The following ARPC1A variants were observed in gnomAD, a reference collection of about 807,000 sequenced individuals.
ARPC1A encodes the protein actin related protein 2/3 complex subunit 1A.
In ARPC1A, 8 loss-of-function variants were observed where a neutral mutation model predicts 46.9. The ratio of observed to expected loss-of-function variants is 0.17; its 90% CI spans 0.10 to 0.31. The LOEUF is 0.31. ARPC1A is among the 10% of genes least tolerant of loss of function. The pLI, the probability that ARPC1A is intolerant of heterozygous loss-of-function variation, is 1.00. For missense variants in ARPC1A, 286 were observed against 483.6 expected (o/e 0.59, Z 3.83); for synonymous variants, 152 against 169.0 (o/e 0.90, Z 0.78).
chr7:99,357,942 A>G (rs1445142244), intron 6 of ARPC1A, among the ~76,000 whole-genome samples: 1 of 152,212 alleles, frequency 6.6e-6, no homozygotes, highest in African/African-American at 2.4e-5. Context: ...GTCCTAGCAC[A>G]GGTGTCTGCT....
intron 2 of ARPC1A, chr7:99,335,334 A>G (rs556281794): frequency 7.5e-6 from 3 of 397,432 alleles, no homozygotes; most frequent in South Asian, 1.8e-5. Flanking sequence ...GTTGAAAACT[A>G]TCCTCTCTGT....
At position 99,362,336 on chromosome 7, in the gene ARPC1A, CTTTT is replaced by C. The variant is rs771655890; in HGVS notation, c.984-1193_984-1190del. ...AATAAAAATGTAAAACCCCGCCCCC[CTTTT>C]TTTTTTTTTTTTTGAGATGGAGTCT... On this transcript the variant is annotated intron_variant, in intron 8 of 9. Coordinates refer to ENST00000262942, the MANE Select transcript of ARPC1A (RefSeq NM_006409.4). Among the ~76,000 whole-genome samples, 39 of 129,622 alleles carry C rather than the reference CTTTT, an allele frequency of 3.0e-4. No individual in the cohort carries two copies. The South Asian group carries it at 5.7e-3, about 19-fold the overall frequency. The allele number at this position is 129,622 out of a possible 152,430, so 85.0% of individuals were successfully genotyped here.
At chr7:99,337,082 T>TA (rs770003701) in intron 2 of ARPC1A, among the ~76,000 whole-genome samples, 8 of 152,088 alleles carry the variant, frequency 5.3e-5, no homozygotes, top group Non-Finnish European at 1.2e-4. Context: ...TTTCTGGACT[T>TA]ACGATTTGGG....
At chr7:99,354,426 G>A (rs1265341427) in intron 6 of ARPC1A, among the ~76,000 whole-genome samples, 4 of 150,448 alleles carry the variant, frequency 2.7e-5, no homozygotes, top group Non-Finnish European at 4.4e-5. Flanking sequence ...GAAGGCTGAG[G>A]CAGAGAATTG....
chr7:99,330,558 G>A (rs991461620), intron 1 of ARPC1A, among the ~76,000 whole-genome samples: 2 of 152,066 alleles, frequency 1.3e-5, no homozygotes, highest in Admixed American at 6.6e-5. Flanking sequence ...CAGGTGATCC[G>A]CCCACCTCGG....
chr7:99,339,817 T>C, intron 3 of ARPC1A: 1 of 314,744 alleles, frequency 3.2e-6, no homozygotes, highest in South Asian at 2.5e-5. Context: ...TCTGTACGTA[T>C]GTGTGAATGT....
At chr7:99,364,980 A>C (rs1052600543) in intron 9 of ARPC1A, among the ~76,000 whole-genome samples, 2 of 152,208 alleles carry the variant, frequency 1.3e-5, no homozygotes, top group African/African-American at 4.8e-5. Context: ...CCTGAGCGGC[A>C]TCCTGAGTTG....
intron 3 of ARPC1A, among the ~76,000 whole-genome samples, chr7:99,343,618 C>A (rs549894383): frequency 6.6e-6 from 1 of 152,226 alleles, no homozygotes; most frequent in African/African-American, 2.4e-5. Flanking sequence ...CACAGAGGTA[C>A]CAGATAAGTA....
chr7:99,327,106 C>G (rs185860043), intron 1 of ARPC1A, among the ~76,000 whole-genome samples: 1 of 152,094 alleles, frequency 6.6e-6, no homozygotes, highest in African/African-American at 2.4e-5. Context: ...CCTGGGTTTT[C>G]AGGTATCTAA....
chr7:99,351,026 T>TAA (rs201317361), intron 5 of ARPC1A, among the ~76,000 whole-genome samples: 1 of 147,798 alleles, frequency 6.8e-6, no homozygotes, highest in Non-Finnish European at 1.5e-5. Flanking sequence ...ACTCAAAGCT[T>TAA]AAAAAAAAAA....
At chr7:99,365,615 T>TAA (rs3052172) in intron 9 of ARPC1A, among the ~76,000 whole-genome samples, 6,096 of 138,126 alleles carry the variant, frequency 0.044, 397 homozygotes, top group East Asian at 0.29. Flanking sequence ...ACCCTATCTT[T>TAA]AAAAAAAAAA....
intron 6 of ARPC1A, among the ~76,000 whole-genome samples, chr7:99,357,249 C>A (rs1421291863): frequency 6.6e-6 from 1 of 152,170 alleles, no homozygotes. Flanking sequence ...ACATAAATAT[C>A]TCATGTAGTA....
At chr7:99,337,613 G>C (rs1363990148) in intron 2 of ARPC1A, among the ~76,000 whole-genome samples, 1 of 151,952 alleles carries the variant, frequency 6.6e-6, no homozygotes, top group Non-Finnish European at 1.5e-5. Context: ...ATTATATTTT[G>C]GATTAGTTCA....
intron 8 of ARPC1A, among the ~76,000 whole-genome samples, chr7:99,362,208 C>T (rs1278368585): frequency 1.3e-5 from 2 of 151,606 alleles, no homozygotes; most frequent in South Asian, 2.1e-4. Context: ...GCAGGAGAAT[C>T]GCTTGAACCT....
At chr7:99,350,227 CTCTCTG>C (rs1476582170) in intron 5 of ARPC1A, among the ~76,000 whole-genome samples, 4 of 152,144 alleles carry the variant, frequency 2.6e-5, no homozygotes, top group East Asian at 1.9e-4. Context: ...AGCATGTACT[CTCTCTG>C]TCTCTGTCTC....
At chr7:99,333,104 C>G (rs1319164967) in intron 1 of ARPC1A, among the ~76,000 whole-genome samples, 4 of 152,164 alleles carry the variant, frequency 2.6e-5, no homozygotes, top group African/African-American at 9.7e-5. Context: ...ACCAGGTTGG[C>G]CAGGCTGGTC....
chr7:99,355,754 A>G (rs1793616876), intron 6 of ARPC1A, among the ~76,000 whole-genome samples: 1 of 152,100 alleles, frequency 6.6e-6, no homozygotes, highest in Admixed American at 6.6e-5. Context: ...AAAAAAAAAA[A>G]GGCTAGTTTA....
intron 1 of ARPC1A, among the ~76,000 whole-genome samples, chr7:99,326,808 CCTTTT>C (rs1793055326): frequency 6.6e-6 from 1 of 152,174 alleles, no homozygotes; most frequent in Admixed American, 6.6e-5. Context: ...GTCTTCCTTT[CCTTTT>C]CTATCTCCTC....
chr7:99,353,989 T>C lies in ARPC1A; in HGVS notation c.581T>C (p.Leu194Pro), dbSNP rs150009166. Residue 194 changes from leucine to proline, a missense_variant, in exon 6 of 10, where the codon CTG becomes CCG. Physicochemically the swap from Leu to Pro is moderately conservative, Grantham distance 98. Transcript: ENST00000262942. ...GGCAGCAAGATGCCTTTTGGGCAGC[T>C]GATGTCAGAGTTTGGTGGCAGTGGC... Reference protein sequence around the residue: ...PWGSKMPFGQLMSEFGGSGTG... With the variant: ...PWGSKMPFGQPMSEFGGSGTG... 4.3e-4 allele frequency: 694 copies of C among 1,614,020 alleles called. 1 individual carries two copies. The highest frequency in any genetic ancestry group is 8.3e-4 in the Middle Eastern group (5 of 6,056).
Sources: gnomAD v4.1 joint callset for allele counts (sites outside exome capture counted in the v4.1 genomes callset) on GRCh38, gnomAD v4.1.1 for gene constraint, MANE v1.5 for transcripts, NCBI Gene and HGNC (gene_info 2026-07-23, HGNC 2026-07-21) for gene names.